The following FRAS1 variants were observed in gnomAD, a reference collection of about 807,000 sequenced individuals.
The protein encoded by FRAS1 is extracellular matrix organizing protein FRAS1.
In FRAS1, 290 loss-of-function variants were observed where a neutral mutation model predicts 435.2. The ratio of observed to expected loss-of-function variants is 0.67; its 90% CI spans 0.61 to 0.73. The LOEUF is 0.73. FRAS1 is among the 30% of genes least tolerant of loss of function. FRAS1 has a pLI of 0.00. For synonymous variants in FRAS1, 1,800 were observed against 1,851.0 expected, an observed-to-expected ratio of 0.97 and a Z score of 0.71; for missense variants, 4,860 against 5,001.5, an observed-to-expected ratio of 0.97 and a Z score of 0.85.
chr4:78,506,975 G>T (rs1367032033), intron 61 of FRAS1, among the ~76,000 whole-genome samples: 1 of 152,126 alleles, frequency 6.6e-6, no homozygotes, highest in African/African-American at 2.4e-5. Flanking sequence ...GGCTGGCTTG[G>T]TAGATAACCT....
intron 2 of FRAS1, among the ~76,000 whole-genome samples, chr4:78,148,529 C>T (rs891703601): frequency 6.6e-6 from 1 of 152,200 alleles, no homozygotes; most frequent in African/African-American, 2.4e-5. Context: ...TTAACTTCAT[C>T]AGTGAATTGA....
chr4:78,484,880 C>A (rs879580174), intron 58 of FRAS1, among the ~76,000 whole-genome samples: 2 of 152,204 alleles, frequency 1.3e-5, no homozygotes, highest in Non-Finnish European at 2.9e-5. Context: ...GCATTATATA[C>A]TACATGGTTT....
At chr4:78,125,862 C>A (rs910133070) in intron 2 of FRAS1, among the ~76,000 whole-genome samples, 13 of 152,196 alleles carry the variant, frequency 8.5e-5, no homozygotes, top group Non-Finnish European at 4.4e-5. Context: ...AGGCAATCTG[C>A]CCGTTATTGG....
At chr4:78,129,214 C>G (rs1283028963) in intron 2 of FRAS1, among the ~76,000 whole-genome samples, 5 of 152,126 alleles carry the variant, frequency 3.3e-5, no homozygotes, top group African/African-American at 1.2e-4. Context: ...GTTCTTTTGG[C>G]TTAGGATTGA....
chr4:78,536,117 T>C (rs1441007061), intron 71 of FRAS1, among the ~76,000 whole-genome samples: 1 of 151,808 alleles, frequency 6.6e-6, no homozygotes, highest in African/African-American at 2.4e-5. Context: ...AAGAGCTTGG[T>C]GCCATAGCCG....
intron 29 of FRAS1, among the ~76,000 whole-genome samples, chr4:78,392,328 G>A (rs950991394): frequency 2.0e-5 from 3 of 152,080 alleles, no homozygotes; most frequent in Non-Finnish European, 4.4e-5. Context: ...TAAGGTCACT[G>A]TTACATTCAA....
chr4:78,237,641 A>C, intron 3 of FRAS1, 24 bp downstream of exon 3: 1 of 1,394,196 alleles, frequency 7.2e-7, no homozygotes, highest in Middle Eastern at 1.8e-4. Flanking sequence ...ATTGTGTCCT[A>C]AATGTATTGG....
chr4:78,513,365 C>T, intron 64 of FRAS1, 27 bp from the exon 65 acceptor site: 1 of 1,611,888 alleles, frequency 6.2e-7, no homozygotes, highest in Non-Finnish European at 8.5e-7. Flanking sequence ...GTCAGCTAAA[C>T]ATTTATTTCT....
At chr4:78,161,944 G>A (rs1373593805) in intron 2 of FRAS1, among the ~76,000 whole-genome samples, 2 of 151,898 alleles carry the variant, frequency 1.3e-5, no homozygotes. Context: ...ATAGAAAGCT[G>A]TTATAAAGAC....
chr4:78,309,600 A>G (rs1206954473), intron 15 of FRAS1, among the ~76,000 whole-genome samples: 1 of 152,206 alleles, frequency 6.6e-6, no homozygotes, highest in African/African-American at 2.4e-5. Context: ...CTGGGCCTTA[A>G]CTGCCTGTGA....
chr4:78,242,297 G>A (rs990562575), intron 3 of FRAS1, among the ~76,000 whole-genome samples: 1 of 152,202 alleles, frequency 6.6e-6, no homozygotes, highest in East Asian at 1.9e-4. Flanking sequence ...TCATGTCCCA[G>A]TGTGATTTTT....
intron 14 of FRAS1, among the ~76,000 whole-genome samples, chr4:78,307,512 G>A (rs541493670): frequency 1.9e-4 from 29 of 152,342 alleles, no homozygotes; most frequent in African/African-American, 6.5e-4. Flanking sequence ...GCGAGACTCC[G>A]TGGGCGTAGG....
chr4:78,452,390 CT>C, intron 47 of FRAS1, 36 bp downstream of exon 47: 1 of 1,521,078 alleles, frequency 6.6e-7, no homozygotes, highest in Non-Finnish European at 8.9e-7. Context: ...TGAATCAAAA[CT>C]TAGACCTTAG....
chr4:78,097,782 C>G (rs977172884), intron 2 of FRAS1, among the ~76,000 whole-genome samples: 1 of 152,168 alleles, frequency 6.6e-6, no homozygotes, highest in African/African-American at 2.4e-5. Context: ...CAGAACCAAA[C>G]CATACAAAGT....
intron 32 of FRAS1, among the ~76,000 whole-genome samples, chr4:78,418,742 A>G (rs1289428950): frequency 6.6e-6 from 1 of 152,186 alleles, no homozygotes; most frequent in Non-Finnish European, 1.5e-5. Flanking sequence ...GAAAATCTGA[A>G]AAGGACTCTC....
At chr4:78,097,636 C>G (rs1741877113) in intron 2 of FRAS1, among the ~76,000 whole-genome samples, 1 of 151,208 alleles carries the variant, frequency 6.6e-6, no homozygotes, top group South Asian at 2.1e-4. Context: ...TTAAAACCAT[C>G]AGATCATATG....
rs1189886522 is a variant in FRAS1, at chr4:78,135,670, AT to A, written c.108+69658del. Among the ~76,000 whole-genome samples, 7 of 152,090 alleles carry A rather than the reference AT, an allele frequency of 4.6e-5. 1 individual carries two copies. In the South Asian group the frequency reaches 1.0e-3, roughly 23 times the overall value. On this transcript the variant is annotated intron_variant, in intron 2 of 73. Transcript: ENST00000512123. ...GAGTATGCTAAGGATAGAAGTTTCC[AT>A]TTTGTTTTTCTCCATATTGTCCATT...
chr4:78,372,799 A>G lies in FRAS1; in HGVS notation c.2951A>G (p.Asp984Gly). Residue 984 changes from aspartate to glycine, a missense_variant, in exon 24 of 74, where the codon GAT becomes GGT. Transcript: ENST00000512123. The stretch of plus-strand genomic sequence containing the variant: ...TGCATGGATGGCTATGTTCTCCAGG[A>G]TGGGGCCTGCGTGGAGCAGTGCTTG... ...LQCMDGYVLQ[D>G]GACVEQCLSS... The G allele has an allele frequency of 6.2e-7, 1 of 1,613,162 alleles. No homozygotes were observed. The highest frequency in any genetic ancestry group is 8.5e-7 in the Non-Finnish European group (1 of 1,179,704).
intron 22 of FRAS1, among the ~76,000 whole-genome samples, chr4:78,369,251 T>C (rs1731401156): frequency 6.6e-6 from 1 of 151,838 alleles, no homozygotes; most frequent in African/African-American, 2.4e-5. Context: ...ACTGTGTAGA[T>C]GGAGAAATGC....
Sources: gnomAD v4.1 joint callset for allele counts (sites outside exome capture counted in the v4.1 genomes callset) on GRCh38, gnomAD v4.1.1 for gene constraint, MANE v1.5 for transcripts, NCBI Gene and HGNC (gene_info 2026-07-23, HGNC 2026-07-21) for gene names.